Variants in PTPRD observed in about 807,000 individuals in gnomAD.
PTPRD encodes protein tyrosine phosphatase receptor type D.
In PTPRD, 34 loss-of-function variants were observed where a neutral mutation model predicts 214.5. The ratio of observed to expected loss-of-function variants is 0.16; its 90% CI spans 0.12 to 0.21. The LOEUF (loss-of-function observed/expected upper bound fraction) is 0.21. Ranked by LOEUF, PTPRD falls within the 10% of genes least tolerant of loss-of-function variation. The pLI, the probability that PTPRD is intolerant of heterozygous loss-of-function variation, is 1.00. For synonymous variants in PTPRD, 1,128 were observed against 845.7 expected, an observed-to-expected ratio of 1.33 and a Z score of -5.79; for missense variants, 2,545 against 2,398.7, an observed-to-expected ratio of 1.06 and a Z score of -1.27.
intron 14 of PTPRD, among the ~76,000 whole-genome samples, chr9:8,595,587 G>C (rs2094435820): frequency 6.6e-6 from 1 of 152,084 alleles, no homozygotes; most frequent in African/African-American, 2.4e-5. Context: ...AAAGTTAATG[G>C]CAACAGTTTA....
chr9:8,930,145 G>A (rs1399728851), intron 11 of PTPRD, among the ~76,000 whole-genome samples: 5 of 142,884 alleles, frequency 3.5e-5, no homozygotes, highest in South Asian at 2.3e-4. Flanking sequence ...AGTGTGTGAT[G>A]TTCCCCTTCC....
chr9:8,395,079 A>G (rs73418392), intron 36 of PTPRD, among the ~76,000 whole-genome samples: 3,984 of 152,222 alleles, frequency 0.026, 174 homozygotes, highest in African/African-American at 0.091. Context: ...TTGGCTTCAA[A>G]TCCCAGGTAC....
intron 3 of PTPRD, among the ~76,000 whole-genome samples, chr9:10,127,877 C>T (rs2098831422): frequency 6.6e-6 from 1 of 152,074 alleles, no homozygotes; most frequent in Non-Finnish European, 1.5e-5. Context: ...TTAAAATTCC[C>T]CGTCACTATC....
intron 10 of PTPRD, among the ~76,000 whole-genome samples, chr9:9,104,257 G>A (rs76492276): frequency 1.2e-3 from 181 of 152,088 alleles, no homozygotes; most frequent in African/African-American, 3.8e-3. Context: ...AAACTTCGTT[G>A]GTGGGCAAAA....
intron 4 of PTPRD, among the ~76,000 whole-genome samples, chr9:10,027,911 A>T (rs2096960172): frequency 6.6e-6 from 1 of 152,098 alleles, no homozygotes; most frequent in East Asian, 1.9e-4. Context: ...TTTTGTTTCC[A>T]CTGATGAATT....
chr9:9,814,567 T>A (rs1040347444), intron 5 of PTPRD, among the ~76,000 whole-genome samples: 7 of 152,154 alleles, frequency 4.6e-5, no homozygotes, highest in African/African-American at 1.7e-4. Context: ...TACTTATGAA[T>A]AAATTTAACC....
At chr9:9,403,427 C>G (rs2071792333) in intron 8 of PTPRD, among the ~76,000 whole-genome samples, 1 of 151,036 alleles carries the variant, frequency 6.6e-6, no homozygotes, top group South Asian at 2.1e-4. Flanking sequence ...CTCTTTCTCT[C>G]TCTCTCTCCA....
chr9:9,539,275 A>G (rs1456706709), intron 8 of PTPRD, among the ~76,000 whole-genome samples: 1 of 151,802 alleles, frequency 6.6e-6, no homozygotes, highest in African/African-American at 2.4e-5. Flanking sequence ...AGTGGGAATA[A>G]ACTTAGAATG....
intron 3 of PTPRD, among the ~76,000 whole-genome samples, chr9:10,217,381 C>T (rs1002653052): frequency 2.0e-5 from 3 of 151,768 alleles, no homozygotes; most frequent in Non-Finnish European, 4.4e-5. Flanking sequence ...GCCTCCCCCT[C>T]CTCCATATCT....
chr9:9,479,778 A>T (rs906584252), intron 8 of PTPRD, among the ~76,000 whole-genome samples: 1 of 152,020 alleles, frequency 6.6e-6, no homozygotes, highest in Admixed American at 6.6e-5. Flanking sequence ...AAATTCCCCT[A>T]TTTGTCCTCT....
intron 8 of PTPRD, among the ~76,000 whole-genome samples, chr9:9,502,733 G>A (rs2096458896): frequency 6.6e-6 from 1 of 151,852 alleles, no homozygotes; most frequent in Admixed American, 6.6e-5. Flanking sequence ...AAATATTCAT[G>A]TATTGTTTAT....
chr9:9,041,660 A>G (rs2099640233), intron 10 of PTPRD, among the ~76,000 whole-genome samples: 1 of 152,188 alleles, frequency 6.6e-6, no homozygotes, highest in Non-Finnish European at 1.5e-5. Flanking sequence ...ATGAGTAAAT[A>G]CATTCACAAT....
At chr9:9,752,807 T>C (rs1332363450) in intron 6 of PTPRD, among the ~76,000 whole-genome samples, 1 of 152,012 alleles carries the variant, frequency 6.6e-6, no homozygotes, top group African/African-American at 2.4e-5. Context: ...GCACGACCTT[T>C]CTAGGACAAG....
chr9:9,944,226 C>A (rs1465533172), intron 4 of PTPRD, among the ~76,000 whole-genome samples: 1 of 152,122 alleles, frequency 6.6e-6, no homozygotes, highest in African/African-American at 2.4e-5. Flanking sequence ...TCAATCACTA[C>A]AAAACTCCTT....
At chr9:8,992,403 G>A (rs1449451247) in intron 11 of PTPRD, among the ~76,000 whole-genome samples, 1 of 152,106 alleles carries the variant, frequency 6.6e-6, no homozygotes, top group Non-Finnish European at 1.5e-5. Flanking sequence ...TGGAGGCAAG[G>A]AATGGGGGTT....
In PTPRD at chr9:9,941,028, C is replaced by A. The variant is rs138719467; in HGVS notation, c.-471-2418G>T. Among the ~76,000 whole-genome samples the A allele has an allele frequency of 2.0e-5, 3 of 152,036 alleles. No individual in the cohort carries two copies. In the South Asian group the frequency reaches 6.2e-4, roughly 31 times the overall value. ...CAGAAAAAAAAAGAGTTGTCTTGGGCTACACATAAGATACACTAACACTAA... is the reference window on the plus strand; with the variant it reads ...CAGAAAAAAAAAGAGTTGTCTTGGGATACACATAAGATACACTAACACTAA... On this transcript the variant is annotated intron_variant, in intron 4 of 45. Transcript: ENST00000381196.
At chr9:8,709,630 C>T (rs1386297832) in intron 12 of PTPRD, among the ~76,000 whole-genome samples, 3 of 151,740 alleles carry the variant, frequency 2.0e-5, no homozygotes, top group Admixed American at 2.0e-4. Context: ...GGCTACTTAG[C>T]CAAATTTAGT....
Position 8,465,648 on chromosome 9 carries a change from T to C in PTPRD, c.3532A>G (p.Arg1178Gly), listed in dbSNP as rs779168258. The C allele has an allele frequency of 4.7e-5, 76 of 1,611,880 alleles. No individual in the cohort carries two copies. The highest frequency in any genetic ancestry group is 6.4e-5 in the Non-Finnish European group (76 of 1,178,712). ...ACTTCTCTCCCATAACGGATGCTTC[T>C]GCGCTTCCTAGATATCTCCTTAAGC... ...ELLKEISRKR[R>G]SIRYGREVEL... The change falls in exon 32 of 46, where the codon AGA becomes GGA. Residue 1178 changes from arginine to glycine, a missense_variant. Coordinates refer to ENST00000381196, the MANE Select transcript of PTPRD (RefSeq NM_002839.4).
chr9:9,694,064 G>T (rs1344070877), intron 7 of PTPRD, among the ~76,000 whole-genome samples: 2 of 152,156 alleles, frequency 1.3e-5, no homozygotes, highest in Non-Finnish European at 1.5e-5. Flanking sequence ...TTGCCTCAAA[G>T]GTTATATAGC....
Sources: allele counts gnomAD v4.1 joint callset (sites outside exome capture counted in the v4.1 genomes callset), GRCh38; gene constraint gnomAD v4.1.1; transcripts MANE v1.5; gene names NCBI Gene and HGNC (gene_info 2026-07-23, HGNC 2026-07-21).